PAGE2B: variants seen among roughly 807,000 people sequenced by gnomAD.
PAGE2B encodes PAGE family member 2B, also known as putative G antigen family E member 3.
A neutral mutation model predicts 7.6 loss-of-function variants in PAGE2B; 5 were observed. The ratio of observed to expected loss-of-function variants is 0.66; its 90% confidence interval spans 0.34 to 1.38. The LOEUF (loss-of-function observed/expected upper bound fraction) is 1.38. PAGE2B is among the 40% of genes most tolerant of loss of function. The pLI is 0.04. For synonymous variants in PAGE2B, 29 were observed against 26.7 expected (o/e 1.09, Z -0.27); for missense variants, 70 against 78.4 (o/e 0.89, Z 0.41).
At chrX:55,064,440 C>CT in the PAGE2B span, among the ~76,000 whole-genome samples, 2 of 111,109 alleles carry the variant, frequency 1.8e-5, no homozygotes, top group Non-Finnish European at 3.8e-5. Flanking sequence ...GGTCTTGTCT[C>CT]TTTTTTTGTT....
chrX:55,065,920 G>A, the PAGE2B span, among the ~76,000 whole-genome samples: 1 of 111,730 alleles, frequency 9.0e-6, no homozygotes, highest in Non-Finnish European at 1.9e-5. Flanking sequence ...GTTTTGAAAA[G>A]TTGGTGGAGT....
At chrX:55,074,692 C>T (rs1267797762), upstream of PAGE2B, among the ~76,000 whole-genome samples, 4 of 112,013 alleles carry the variant, frequency 3.6e-5, no homozygotes, top group African/African-American at 6.5e-5. Flanking sequence ...TTTATGGAAG[C>T]GTATATAAAA....
At chrX:55,050,120 C>G in the PAGE2B span, among the ~76,000 whole-genome samples, 157 of 111,454 alleles carry the variant, frequency 1.4e-3, no homozygotes, top group Non-Finnish European at 2.1e-3. Context: ...GAGCGGTTTT[C>G]AGTGAGTTTC....
the PAGE2B span, among the ~76,000 whole-genome samples, chrX:55,056,125 G>T: frequency 9.0e-6 from 1 of 111,042 alleles, no homozygotes; most frequent in Non-Finnish European, 1.9e-5. Context: ...AGAAGTTGGG[G>T]GGCATATCCT....
chrX:55,037,117 C>T, the PAGE2B span, among the ~76,000 whole-genome samples: 1 of 111,485 alleles, frequency 9.0e-6, no homozygotes, highest in East Asian at 2.8e-4. Context: ...AACAGGCAAC[C>T]TACAGAATGG....
At chrX:55,061,462 G>A in the PAGE2B span, among the ~76,000 whole-genome samples, 500 of 110,352 alleles carry the variant, frequency 4.5e-3, 13 homozygotes, top group East Asian at 0.099. Flanking sequence ...TTTTAATTTT[G>A]TGAGTATATA....
chrX:55,058,012 G>T, the PAGE2B span, among the ~76,000 whole-genome samples: 1 of 111,169 alleles, frequency 9.0e-6, no homozygotes, highest in Non-Finnish European at 1.9e-5. Context: ...GCCTACCACT[G>T]GCCATAATAT....
chrX:55,062,671 G>T, the PAGE2B span, among the ~76,000 whole-genome samples: 1 of 111,738 alleles, frequency 8.9e-6, no homozygotes, highest in Non-Finnish European at 1.9e-5. Flanking sequence ...CGAAATCTTT[G>T]TGCAGTCCAG....
At chrX:55,058,835 T>C in the PAGE2B span, among the ~76,000 whole-genome samples, 3,302 of 110,661 alleles carry the variant, frequency 0.03, 106 homozygotes, top group African/African-American at 0.093. Flanking sequence ...CAGTCTGGAG[T>C]GTTAGTCTTC....
At chrX:55,045,696 A>G in the PAGE2B span, among the ~76,000 whole-genome samples, 1 of 111,322 alleles carries the variant, frequency 9.0e-6, no homozygotes, top group Admixed American at 9.6e-5. Flanking sequence ...ACAGGAACAC[A>G]TGTATGGAGG....
chrX:55,052,077 C>T, the PAGE2B span, among the ~76,000 whole-genome samples: 1 of 112,144 alleles, frequency 8.9e-6, no homozygotes, highest in African/African-American at 3.2e-5. Context: ...AGGTCCACTC[C>T]AGACCCTGTT....
chrX:55,056,409 C>A, the PAGE2B span, among the ~76,000 whole-genome samples: 1 of 110,730 alleles, frequency 9.0e-6, no homozygotes, highest in Non-Finnish European at 1.9e-5. Context: ...TCGTAGCAAC[C>A]AAGGATTAGA....
At chrX:55,029,942 C>G in the PAGE2B span, among the ~76,000 whole-genome samples, 1 of 104,934 alleles carries the variant, frequency 9.5e-6, no homozygotes, top group Non-Finnish European at 1.9e-5. Flanking sequence ...TTGCAGCATT[C>G]CTTGTCCCCC....
upstream of PAGE2B, among the ~76,000 whole-genome samples, chrX:55,072,001 T>C (rs1334223184): frequency 8.9e-6 from 1 of 112,103 alleles, no homozygotes; most frequent in Non-Finnish European, 1.9e-5. Flanking sequence ...GGTTAGAACA[T>C]GCTCCTTAGC....
upstream of PAGE2B, among the ~76,000 whole-genome samples, chrX:55,070,640 G>A (rs1437025730): frequency 9.0e-6 from 1 of 111,368 alleles, no homozygotes; most frequent in Non-Finnish European, 1.9e-5. Context: ...GGGTGTTAAA[G>A]TCTCCCATTA....
chrX:55,077,187 C>T lies in PAGE2B; in HGVS notation c.194-212C>T, dbSNP rs186543217. On this transcript the variant is annotated intron_variant, in intron 3 of 4. Coordinates refer to ENST00000374971, the MANE Select transcript of PAGE2B (RefSeq NM_001015038.3). ...TGATAAGAATAAGAACAAATGAGTA[C>T]AAAAGGGACAAGTAAGTTGTCTAGG... 7.9e-3 allele frequency among the ~76,000 whole-genome samples: 878 copies of T among 111,555 alleles called. 3 individuals carry two copies. The highest frequency in any genetic ancestry group is 0.012 in the Non-Finnish European group (638 of 53,130).
chrX:55,046,297 A>G, the PAGE2B span, among the ~76,000 whole-genome samples: 3 of 110,393 alleles, frequency 2.7e-5, no homozygotes, highest in Admixed American at 9.8e-5. Flanking sequence ...TATTTTTAGT[A>G]GAGACGGAGT....
chrX:55,071,141 C>T (rs888225214), upstream of PAGE2B, among the ~76,000 whole-genome samples: 3 of 111,325 alleles, frequency 2.7e-5, no homozygotes, highest in Non-Finnish European at 3.8e-5. Flanking sequence ...TTGGTCTTTA[C>T]GATTAGTTTT....
At chrX:55,050,935 A>T in the PAGE2B span, among the ~76,000 whole-genome samples, 4 of 111,596 alleles carry the variant, frequency 3.6e-5, no homozygotes, top group Non-Finnish European at 3.8e-5. Flanking sequence ...ATGTTTTTGC[A>T]TTGGCTGGTA....
Sources: gnomAD v4.1 joint callset for allele counts (sites outside exome capture counted in the v4.1 genomes callset) on GRCh38, gnomAD v4.1.1 for gene constraint, MANE v1.5 for transcripts, NCBI Gene and HGNC (gene_info 2026-07-23, HGNC 2026-07-21) for gene names.